ZNF385D: variants seen among roughly 807,000 people sequenced by gnomAD.
ZNF385D encodes zinc finger protein 659.
ZNF385D carries 15 observed loss-of-function variants against 35.8 expected under a neutral mutation model. That is an observed-to-expected ratio of 0.42 (90% CI 0.28 to 0.64). The LOEUF (loss-of-function observed/expected upper bound fraction) is 0.64. ZNF385D is among the 30% of genes least tolerant of loss of function. The pLI is 0.23. For synonymous variants in ZNF385D, 212 were observed against 186.8 expected, an observed-to-expected ratio of 1.13 and a Z score of -1.10; for missense variants, 474 against 494.6, an observed-to-expected ratio of 0.96 and a Z score of 0.39.
chr3:21,839,641 T>C (rs1176109640), intron 3 of ZNF385D, among the ~76,000 whole-genome samples: 1 of 152,056 alleles, frequency 6.6e-6, no homozygotes, highest in South Asian at 2.1e-4. Context: ...CACACAATGA[T>C]CTTTATGGGT....
intron 3 of ZNF385D, among the ~76,000 whole-genome samples, chr3:21,983,154 AT>A (rs756954141): frequency 6.8e-5 from 8 of 116,852 alleles, no homozygotes; most frequent in Admixed American, 7.5e-5. Context: ...ATTTTATTTT[AT>A]TTTATTTTAT....
rs547050318 is a variant in ZNF385D, at chr3:21,960,428, A to T, written c.325+208389T>A. Among the ~76,000 whole-genome samples, 18 of 146,956 alleles carry T rather than the reference A, an allele frequency of 1.2e-4. 1 individual carries two copies. In the South Asian group the frequency reaches 3.9e-3, roughly 32 times the overall value. On this transcript the variant is annotated intron_variant, in intron 3 of 5. Coordinates refer to the ZNF385D transcript ENST00000494108. ...TTAGAATGGCTATTACCAAAAAGAC[A>T]AAAATAGCAAATGCTGGTGTGGATG...
intron 3 of ZNF385D, among the ~76,000 whole-genome samples, chr3:22,080,884 A>T (rs1700714349): frequency 6.6e-6 from 1 of 152,150 alleles, no homozygotes. Context: ...ATGAACCACG[A>T]AACAGACACT....
At chr3:22,165,980 T>C (rs1280580577) in intron 3 of ZNF385D, among the ~76,000 whole-genome samples, 1 of 152,200 alleles carries the variant, frequency 6.6e-6, no homozygotes, top group East Asian at 1.9e-4. Flanking sequence ...AAATTCATCA[T>C]ACCCTCTCAG....
chr3:22,219,622 A>C (rs1207068704), intron 2 of ZNF385D, among the ~76,000 whole-genome samples: 1 of 152,204 alleles, frequency 6.6e-6, no homozygotes, highest in Non-Finnish European at 1.5e-5. Flanking sequence ...TTTGGTGTTC[A>C]GAATATTTCA....
chr3:21,428,936 T>TTTA (rs1367753050), intron 5 of ZNF385D, among the ~76,000 whole-genome samples: 1 of 146,554 alleles, frequency 6.8e-6, no homozygotes, highest in Non-Finnish European at 1.5e-5. Context: ...AGAAATCCTT[T>TTTA]TTTTTTTTTG....
At chr3:21,917,587 C>A (rs966773401) in intron 3 of ZNF385D, among the ~76,000 whole-genome samples, 4 of 152,152 alleles carry the variant, frequency 2.6e-5, no homozygotes, top group African/African-American at 9.7e-5. Context: ...GTTTCATGTA[C>A]TGAAGCTGTG....
intron 3 of ZNF385D, among the ~76,000 whole-genome samples, chr3:21,971,058 A>G (rs1576042226): frequency 1.3e-5 from 2 of 152,156 alleles, no homozygotes; most frequent in East Asian, 1.9e-4. Flanking sequence ...TCCTACAAGA[A>G]ATACTAAAGG....
intron 3 of ZNF385D, among the ~76,000 whole-genome samples, chr3:22,077,579 C>A (rs1700528358): frequency 6.6e-6 from 1 of 151,942 alleles, no homozygotes; most frequent in Non-Finnish European, 1.5e-5. Context: ...AAATGCAAAG[C>A]AGACTTCCTA....
chr3:22,257,850 T>C (rs544115479), intron 2 of ZNF385D, among the ~76,000 whole-genome samples: 4 of 151,836 alleles, frequency 2.6e-5, no homozygotes, highest in African/African-American at 9.7e-5. Flanking sequence ...TCTTCATAGA[T>C]CACACAATTT....
chr3:22,151,243 G>A (rs1382225853), intron 3 of ZNF385D, among the ~76,000 whole-genome samples: 2 of 152,176 alleles, frequency 1.3e-5, no homozygotes, highest in Admixed American at 6.6e-5. Flanking sequence ...GGATATGCTG[G>A]CTGACGGTGG....
At chr3:22,269,201 C>T (rs746512171) in intron 2 of ZNF385D, among the ~76,000 whole-genome samples, 5 of 151,920 alleles carry the variant, frequency 3.3e-5, no homozygotes, top group African/African-American at 4.8e-5. Flanking sequence ...ATATCCCCAG[C>T]ACTAATCATT....
chr3:21,568,524 C>A (rs1335565309), intron 2 of ZNF385D, among the ~76,000 whole-genome samples: 1 of 152,084 alleles, frequency 6.6e-6, no homozygotes, highest in African/African-American at 2.4e-5. Context: ...AATTTTTCTA[C>A]AAAATCTGCC....
chr3:21,814,652 A>C (rs1575701532), intron 3 of ZNF385D, among the ~76,000 whole-genome samples: 1 of 152,196 alleles, frequency 6.6e-6, no homozygotes. Context: ...ATATATATGC[A>C]CCCAATACAG....
chr3:21,425,427 C>T, intron 6 of ZNF385D, 65 bp downstream of exon 6: 4 of 1,424,352 alleles, frequency 2.8e-6, no homozygotes, highest in Non-Finnish European at 3.7e-6. Flanking sequence ...AGGAAGGAAG[C>T]ACACACATCC....
At chr3:21,988,702 T>C (rs889812908) in intron 3 of ZNF385D, among the ~76,000 whole-genome samples, 3 of 151,606 alleles carry the variant, frequency 2.0e-5, no homozygotes, top group African/African-American at 7.2e-5. Context: ...TCCACCCAGT[T>C]GGAGCTTCCT....
chr3:21,838,746 C>T (rs980607554), intron 3 of ZNF385D, among the ~76,000 whole-genome samples: 1 of 152,006 alleles, frequency 6.6e-6, no homozygotes, highest in Non-Finnish European at 1.5e-5. Context: ...AAGATGCCAT[C>T]TATTGTAAGT....
At chr3:21,467,576 C>T (rs1210044033) in intron 4 of ZNF385D, among the ~76,000 whole-genome samples, 1 of 152,150 alleles carries the variant, frequency 6.6e-6, no homozygotes, top group Non-Finnish European at 1.5e-5. Flanking sequence ...AATTCACTTC[C>T]ACTACTAGAG....
At chr3:21,970,587 G>C (rs916009183) in intron 3 of ZNF385D, among the ~76,000 whole-genome samples, 1 of 151,762 alleles carries the variant, frequency 6.6e-6, no homozygotes, top group African/African-American at 2.4e-5. Context: ...CCAAATCTAG[G>C]AGTTATTGGC....
Sources: allele counts gnomAD v4.1 joint callset (sites outside exome capture counted in the v4.1 genomes callset), GRCh38; gene constraint gnomAD v4.1.1; transcripts MANE v1.5; gene names NCBI Gene and HGNC (gene_info 2026-07-23, HGNC 2026-07-21).